KIAA1328: variants seen among roughly 807,000 people sequenced by gnomAD.
The protein encoded by KIAA1328 is protein hinderin.
A neutral mutation model predicts 68.1 loss-of-function variants in KIAA1328; 52 were observed. The ratio of observed to expected loss-of-function variants is 0.76; its 90% CI spans 0.61 to 0.96. The LOEUF is 0.96. Ranked by LOEUF, KIAA1328 falls within the 40% of genes least tolerant of loss-of-function variation. The pLI, the probability that KIAA1328 is intolerant of heterozygous loss-of-function variation, is 0.00. For synonymous variants in KIAA1328, 232 were observed against 239.4 expected (o/e 0.97, Z 0.28); for missense variants, 641 against 677.6 (o/e 0.95, Z 0.60).
chr18:36,897,062 A>G (rs990582534), intron 5 of KIAA1328, among the ~76,000 whole-genome samples: 14 of 152,088 alleles, frequency 9.2e-5, no homozygotes, highest in African/African-American at 3.4e-4. Context: ...TTCAAAACTA[A>G]TTTTTCAGAA....
intron 5 of KIAA1328, among the ~76,000 whole-genome samples, chr18:36,930,036 C>T (rs1335516797): frequency 6.6e-6 from 1 of 152,052 alleles, no homozygotes; most frequent in Non-Finnish European, 1.5e-5. Context: ...ACTCTCAGGC[C>T]TGTTGTCCTA....
intron 9 of KIAA1328, among the ~76,000 whole-genome samples, chr18:37,208,871 A>G (rs1426495213): frequency 6.6e-6 from 1 of 152,192 alleles, no homozygotes; most frequent in East Asian, 1.9e-4. Context: ...GAGAGATATT[A>G]CAGAACATCA....
At chr18:37,131,730 G>GA (rs1010537705) in intron 7 of KIAA1328, among the ~76,000 whole-genome samples, 3 of 151,454 alleles carry the variant, frequency 2.0e-5, no homozygotes, top group African/African-American at 2.4e-5. Flanking sequence ...ATTATATGAG[G>GA]AAAAAAAAGA....
intron 7 of KIAA1328, among the ~76,000 whole-genome samples, chr18:37,105,127 G>A (rs1385080209): frequency 6.6e-6 from 1 of 152,158 alleles, no homozygotes; most frequent in African/African-American, 2.4e-5. Flanking sequence ...TGATTAACAT[G>A]AGTGGGGTTT....
intron 6 of KIAA1328, among the ~76,000 whole-genome samples, chr18:37,034,684 A>G (rs1051859679): frequency 6.6e-6 from 1 of 152,236 alleles, no homozygotes; most frequent in African/African-American, 2.4e-5. Flanking sequence ...ATACTCTTAA[A>G]TAATAAAGAA....
chr18:36,974,339 T>TGA (rs1314504332), intron 6 of KIAA1328, among the ~76,000 whole-genome samples: 1 of 152,204 alleles, frequency 6.6e-6, no homozygotes, highest in Non-Finnish European at 1.5e-5. Context: ...TCCACTCTTC[T>TGA]GAGTCTCCAA....
intron 3 of KIAA1328, among the ~76,000 whole-genome samples, chr18:36,836,104 C>A (rs2150771301): frequency 6.6e-6 from 1 of 152,232 alleles, no homozygotes; most frequent in Admixed American, 6.5e-5. Context: ...TACTATCAGA[C>A]CTTTTATAGA....
chr18:37,086,904 C>T (rs1403048233), intron 7 of KIAA1328, among the ~76,000 whole-genome samples: 6 of 152,158 alleles, frequency 3.9e-5, no homozygotes, highest in Admixed American at 3.9e-4. Context: ...TCCATTCATG[C>T]AGAATCTTTT....
At chr18:36,885,528 T>C (rs2150982471) in intron 4 of KIAA1328, 29 bp from the exon 5 acceptor site, 1 of 1,298,568 alleles carries the variant, frequency 7.7e-7, no homozygotes, top group Non-Finnish European at 1.1e-6. Context: ...TTCTGATAGA[T>C]GTTAAAGGTT....
At chr18:37,064,286 T>C (rs1386077938) in intron 6 of KIAA1328, among the ~76,000 whole-genome samples, 1 of 152,204 alleles carries the variant, frequency 6.6e-6, no homozygotes, top group Non-Finnish European at 1.5e-5. Context: ...TCTTAATCAC[T>C]GTAATACCCT....
intron 7 of KIAA1328, among the ~76,000 whole-genome samples, chr18:37,083,304 C>G (rs1310412336): frequency 6.6e-6 from 1 of 152,186 alleles, no homozygotes; most frequent in African/African-American, 2.4e-5. Context: ...GGGAATTAAT[C>G]CATGTACTTT....
chr18:37,139,010 G>T (rs1008951985), intron 7 of KIAA1328, among the ~76,000 whole-genome samples: 4 of 133,282 alleles, frequency 3.0e-5, no homozygotes, highest in African/African-American at 1.2e-4. Context: ...AGGCTGGAGT[G>T]CAGTGGCACG....
intron 7 of KIAA1328, among the ~76,000 whole-genome samples, chr18:37,098,219 A>G (rs542552942): frequency 6.6e-6 from 1 of 152,324 alleles, no homozygotes; most frequent in South Asian, 2.1e-4. Flanking sequence ...TTTGTCATAG[A>G]TAGCTCTTAT....
intron 6 of KIAA1328, among the ~76,000 whole-genome samples, chr18:37,066,178 C>A (rs116460304): frequency 6.6e-6 from 1 of 152,178 alleles, no homozygotes; most frequent in Non-Finnish European, 1.5e-5. Context: ...AGACTTACAG[C>A]TAAAATGTTG....
intron 6 of KIAA1328, among the ~76,000 whole-genome samples, chr18:37,060,855 C>G (rs118071969): frequency 6.6e-6 from 1 of 152,162 alleles, no homozygotes; most frequent in Non-Finnish European, 1.5e-5. Context: ...CTGTGGCTCA[C>G]GCCTGTAATC....
At chr18:37,087,565 A>T (rs892381765) in intron 7 of KIAA1328, among the ~76,000 whole-genome samples, 2 of 152,186 alleles carry the variant, frequency 1.3e-5, no homozygotes, top group Non-Finnish European at 2.9e-5. Context: ...CTGATGATCC[A>T]CCTATATTGT....
At chr18:37,000,225 A>AC (rs1355399708) in intron 6 of KIAA1328, among the ~76,000 whole-genome samples, 1 of 152,150 alleles carries the variant, frequency 6.6e-6, no homozygotes, top group Non-Finnish European at 1.5e-5. Flanking sequence ...ATCAGATAAA[A>AC]CAGACGTTAA....
At chr18:37,084,841 CTG>C (rs920387596) in intron 7 of KIAA1328, among the ~76,000 whole-genome samples, 1 of 152,164 alleles carries the variant, frequency 6.6e-6, no homozygotes, top group Non-Finnish European at 1.5e-5. Context: ...CATTGCCAAA[CTG>C]TTTTGTGTGA....
intron 6 of KIAA1328, among the ~76,000 whole-genome samples, chr18:37,037,950 A>C (rs758974416): frequency 3.3e-5 from 5 of 151,750 alleles, no homozygotes; most frequent in Non-Finnish European, 7.4e-5. Context: ...AAGTACAAAA[A>C]ATTAGCTGGG....
Sources: allele counts gnomAD v4.1 joint callset (sites outside exome capture counted in the v4.1 genomes callset), GRCh38; gene constraint gnomAD v4.1.1; transcripts MANE v1.5; gene names NCBI Gene and HGNC (gene_info 2026-07-23, HGNC 2026-07-21).